Variants in ROBO2 observed in about 807,000 individuals in gnomAD.
ROBO2 encodes roundabout homolog 2.
ROBO2 carries 53 observed loss-of-function variants against 160.8 expected under a neutral mutation model. The ratio of observed to expected loss-of-function variants is 0.33; its 90% CI spans 0.26 to 0.41. The LOEUF (loss-of-function observed/expected upper bound fraction) is 0.41. ROBO2 is among the 10% of genes least tolerant of loss of function. ROBO2 has a pLI of 1.00. For missense variants in ROBO2, 1,577 were observed against 1,722.4 expected (o/e 0.92, Z 1.49); for synonymous variants, 664 against 611.7 (o/e 1.09, Z -1.26).
intron 2 of ROBO2, among the ~76,000 whole-genome samples, chr3:76,468,369 C>G (rs953828404): frequency 5.3e-5 from 8 of 152,086 alleles, no homozygotes; most frequent in Admixed American, 3.3e-4. Flanking sequence ...TTCGTTGCCT[C>G]TTTTCACCTG....
At chr3:76,022,227 T>C (rs1485441321) in intron 2 of ROBO2, among the ~76,000 whole-genome samples, 1 of 151,748 alleles carries the variant, frequency 6.6e-6, no homozygotes, top group East Asian at 1.9e-4. Flanking sequence ...CCACCACATC[T>C]GCATTTACTT....
At chr3:76,189,962 C>G (rs1021241623) in intron 2 of ROBO2, among the ~76,000 whole-genome samples, 1 of 152,114 alleles carries the variant, frequency 6.6e-6, no homozygotes, top group African/African-American at 2.4e-5. Flanking sequence ...TGTGTGTTAA[C>G]TGCCCAGAGA....
rs534757068 is a variant in ROBO2, at chr3:76,147,528, C to T, written c.109+209926C>T. ...CAGTTTCAGAGATTACTGTTTTACA[C>T]CTTTAATCTTGTGAACCATTCAGCA... is the stretch of plus-strand genomic sequence containing the variant. On this transcript the variant is annotated intron_variant, in intron 2 of 26. Transcript: ENST00000487694. Among the ~76,000 whole-genome samples the T allele has an allele frequency of 2.6e-5, 4 of 152,106 alleles. No individual in the cohort carries two copies. In the East Asian group the frequency reaches 7.7e-4, roughly 29 times the overall value.
intron 2 of ROBO2, among the ~76,000 whole-genome samples, chr3:76,218,528 C>T (rs1195250503): frequency 6.6e-6 from 1 of 152,142 alleles, no homozygotes; most frequent in African/African-American, 2.4e-5. Flanking sequence ...AACAGACAAA[C>T]AGAGAGCCAA....
intron 6 of ROBO2, among the ~76,000 whole-genome samples, chr3:77,546,129 T>A (rs1396906112): frequency 6.6e-6 from 1 of 152,174 alleles, no homozygotes; most frequent in Non-Finnish European, 1.5e-5. Flanking sequence ...ACATATAAAA[T>A]ACGTCTGCTA....
At chr3:76,646,855 C>T (rs985354479) in intron 2 of ROBO2, among the ~76,000 whole-genome samples, 2 of 152,058 alleles carry the variant, frequency 1.3e-5, no homozygotes, top group African/African-American at 4.8e-5. Context: ...AAGTTGTTGA[C>T]TAGGTAACTG....
intron 1 of ROBO2, among the ~76,000 whole-genome samples, chr3:75,919,087 G>C (rs1472005083): frequency 1.3e-5 from 2 of 152,142 alleles, no homozygotes; most frequent in Admixed American, 6.5e-5. Flanking sequence ...GAGTAAGAGT[G>C]GGGAGAGAGG....
intron 2 of ROBO2, among the ~76,000 whole-genome samples, chr3:76,744,199 G>A (rs1014865966): frequency 5.9e-5 from 9 of 152,098 alleles, no homozygotes; most frequent in African/African-American, 2.2e-4. Context: ...TTAAACAATA[G>A]GATTTTGTTT....
chr3:77,173,891 G>C (rs1054411660), intron 2 of ROBO2, among the ~76,000 whole-genome samples: 1 of 152,080 alleles, frequency 6.6e-6, no homozygotes, highest in East Asian at 1.9e-4. Context: ...CAGGGAAATT[G>C]CTTTTGACTC....
chr3:76,894,154 C>G (rs1329281858), intron 2 of ROBO2, among the ~76,000 whole-genome samples: 11 of 151,968 alleles, frequency 7.2e-5, no homozygotes, highest in Admixed American at 7.2e-4. Context: ...ATCTTTTTTC[C>G]TGCTTCACTA....
chr3:76,948,894 ATATATATATATATATTTTTTT>A (rs1432198330), intron 2 of ROBO2, among the ~76,000 whole-genome samples: 6 of 26,724 alleles, frequency 2.2e-4, no homozygotes, highest in Admixed American at 5.4e-4. Context: ...ATATATATAT[ATATATATATATATATTTTTTT>A]TTTTTTTTTT....
intron 2 of ROBO2, among the ~76,000 whole-genome samples, chr3:75,973,056 A>T (rs1250935269): frequency 6.6e-6 from 1 of 151,718 alleles, no homozygotes; most frequent in East Asian, 2.0e-4. Context: ...AAATAATAAC[A>T]TTTTCCTGAA....
chr3:77,586,345 A>G (rs560074357), intron 16 of ROBO2, among the ~76,000 whole-genome samples: 38 of 152,296 alleles, frequency 2.5e-4, no homozygotes, highest in African/African-American at 9.1e-4. Context: ...TCACGCTTAC[A>G]TTACATAGTT....
At chr3:76,505,801 C>T (rs1200792529) in intron 2 of ROBO2, among the ~76,000 whole-genome samples, 1 of 152,174 alleles carries the variant, frequency 6.6e-6, no homozygotes, top group Non-Finnish European at 1.5e-5. Context: ...CCTTAGGCTA[C>T]CCATTTTACG....
chr3:77,149,220 A>G (rs891316334), intron 2 of ROBO2, among the ~76,000 whole-genome samples: 1 of 151,864 alleles, frequency 6.6e-6, no homozygotes, highest in Non-Finnish European at 1.5e-5. Context: ...ATTTTTTAGT[A>G]GAGACGGGGT....
chr3:77,220,798 G>A (rs975505643), intron 2 of ROBO2, among the ~76,000 whole-genome samples: 3 of 151,856 alleles, frequency 2.0e-5, no homozygotes, highest in African/African-American at 4.8e-5. Flanking sequence ...TCAGTCCTAC[G>A]CAGCAAAGTT....
At chr3:75,932,277 T>A (rs1947578258) in intron 1 of ROBO2, among the ~76,000 whole-genome samples, 2 of 152,204 alleles carry the variant, frequency 1.3e-5, no homozygotes, top group East Asian at 3.9e-4. Context: ...TTAGTTATAT[T>A]CATTTAAACT....
At chr3:77,151,768 A>C (rs888404385) in intron 2 of ROBO2, among the ~76,000 whole-genome samples, 6 of 152,208 alleles carry the variant, frequency 3.9e-5, no homozygotes, top group African/African-American at 1.4e-4. Flanking sequence ...GTCTTGCATT[A>C]AAAATTGCAT....
At chr3:75,927,640 CA>C (rs1429936932) in intron 1 of ROBO2, among the ~76,000 whole-genome samples, 9 of 152,174 alleles carry the variant, frequency 5.9e-5, no homozygotes, top group Non-Finnish European at 1.0e-4. Context: ...CAAAAAAAGA[CA>C]CTTTTAAAAT....
Sources: allele counts gnomAD v4.1 joint callset (sites outside exome capture counted in the v4.1 genomes callset), GRCh38; gene constraint gnomAD v4.1.1; transcripts MANE v1.5; gene names NCBI Gene and HGNC (gene_info 2026-07-23, HGNC 2026-07-21).